Variants in ABHD12 observed in about 807,000 individuals in gnomAD.
ABHD12 encodes the protein abhydrolase domain containing 12, lysophospholipase, also known as lysophosphatidylserine lipase ABHD12.
ABHD12 carries 43 observed loss-of-function variants against 58.3 expected under a neutral mutation model. That is an observed-to-expected ratio of 0.74 (90% CI 0.58 to 0.95). ABHD12 has a LOEUF of 0.95. ABHD12 is among the 40% of genes least tolerant of loss of function. The pLI, the probability that ABHD12 is intolerant of heterozygous loss-of-function variation, is 0.00. For synonymous variants in ABHD12, 219 were observed against 211.2 expected (o/e 1.04, Z -0.32); for missense variants, 539 against 537.2 (o/e 1.00, Z -0.03).
At position 25,325,995 on chromosome 20, in the gene ABHD12, C is replaced by T. The variant is rs376235461; in HGVS notation, c.317-2565G>A. Reference sequence around the variant, plus strand: ...CTGAGGCAGGAGAATGGCTTGAACCCGGGAAGAGGAGGTTGCAGTGAGCTG... The same window carrying T: ...CTGAGGCAGGAGAATGGCTTGAACCTGGGAAGAGGAGGTTGCAGTGAGCTG... On this transcript the variant is annotated intron_variant, in intron 2 of 12. Transcript: ENST00000339157. 3.3e-5 allele frequency among the ~76,000 whole-genome samples: 5 copies of T among 149,928 alleles called. No homozygotes were observed. The South Asian group carries it at 6.3e-4, about 19-fold the overall frequency.
At chr20:25,388,780 ATTTTTT>A (rs2090128924) in intron 1 of ABHD12, among the ~76,000 whole-genome samples, 1 of 105,930 alleles carries the variant, frequency 9.4e-6, no homozygotes, top group African/African-American at 3.5e-5. Flanking sequence ...AAACAATTTG[ATTTTTT>A]CTTTTTTTTT....
intron 1 of ABHD12, among the ~76,000 whole-genome samples, chr20:25,341,716 A>G (rs1047418491): frequency 1.3e-5 from 2 of 152,178 alleles, no homozygotes; most frequent in African/African-American, 4.8e-5. Flanking sequence ...AGAAAAGAGC[A>G]GGGTCTGACA....
chr20:25,327,369 A>C (rs2145992689), intron 2 of ABHD12, among the ~76,000 whole-genome samples: 1 of 152,072 alleles, frequency 6.6e-6, no homozygotes, highest in South Asian at 2.1e-4. Context: ...CGGGAGCCTG[A>C]GGCAAGAGAA....
intron 12 of ABHD12, among the ~76,000 whole-genome samples, chr20:25,301,417 G>A (rs1366282965): frequency 6.6e-6 from 1 of 151,652 alleles, no homozygotes; most frequent in Non-Finnish European, 1.5e-5. Context: ...ACTTTTTGGA[G>A]CTGACTGGCA....
intron 5 of ABHD12, among the ~76,000 whole-genome samples, chr20:25,315,365 C>A (rs2088941213): frequency 6.6e-6 from 1 of 152,180 alleles, no homozygotes; most frequent in Non-Finnish European, 1.5e-5. Flanking sequence ...TGTGCAGAGA[C>A]CCCATCTGGG....
intron 1 of ABHD12, among the ~76,000 whole-genome samples, chr20:25,362,886 T>C (rs564775261): frequency 1.3e-5 from 2 of 152,032 alleles, no homozygotes; most frequent in South Asian, 4.2e-4. Flanking sequence ...TTGGTCAGGC[T>C]ACTCTCGAAG....
intron 1 of ABHD12, chr20:25,368,771 GA>G (rs2089859671): frequency 1.2e-6 from 1 of 861,164 alleles, no homozygotes; most frequent in Admixed American, 1.8e-5. Context: ...GACCATGGCT[GA>G]TAGTACAGGG....
chr20:25,367,755 A>G (rs2089843336), intron 1 of ABHD12, among the ~76,000 whole-genome samples: 2 of 152,234 alleles, frequency 1.3e-5, no homozygotes, highest in South Asian at 4.1e-4. Context: ...AATTCTTTCC[A>G]TTGTACAGAT....
At chr20:25,376,466 A>C (rs2089963961) in intron 1 of ABHD12, among the ~76,000 whole-genome samples, 1 of 152,188 alleles carries the variant, frequency 6.6e-6, no homozygotes, top group Non-Finnish European at 1.5e-5. Context: ...AAAACAAAAA[A>C]TCATGAGGAT....
intron 1 of ABHD12, among the ~76,000 whole-genome samples, chr20:25,383,663 A>G (rs1203996592): frequency 1.3e-5 from 2 of 152,122 alleles, no homozygotes; most frequent in Non-Finnish European, 2.9e-5. Context: ...TACTAAAAAT[A>G]TAAAAATTAA....
intron 1 of ABHD12, among the ~76,000 whole-genome samples, chr20:25,341,584 C>T (rs924695937): frequency 2.0e-5 from 3 of 152,120 alleles, no homozygotes; most frequent in African/African-American, 7.2e-5. Context: ...ATAATGGTAC[C>T]TCCTTTGTGT....
chr20:25,332,075 G>C lies in ABHD12; in HGVS notation c.316+7152C>G, dbSNP rs372314790. Among the ~76,000 whole-genome samples the C allele has an allele frequency of 4.6e-4, 70 of 152,214 alleles. No homozygotes were observed. In the East Asian group the frequency reaches 0.013, roughly 29 times the overall value. On this transcript the variant is annotated intron_variant, in intron 2 of 12. Transcript: ENST00000339157. ...TCAGGAAACCCATCTCACGTGCAGAGACACACATAGGTTCAAAATAAAAGG... is the reference window on the plus strand; with the variant it reads ...TCAGGAAACCCATCTCACGTGCAGACACACACATAGGTTCAAAATAAAAGG...
chr20:25,308,517 TAGTTG>T (rs751862028), intron 7 of ABHD12, 23 bp from the exon 8 acceptor site: 12 of 1,601,024 alleles, frequency 7.5e-6, no homozygotes, highest in African/African-American at 2.7e-5. Flanking sequence ...AAAAACAGCT[TAGTTG>T]AGTTATGATA....
chr20:25,323,381 C>T lies in ABHD12; in HGVS notation c.366G>A (p.Leu122=). ...GCAGGTAGTAGTTACACGTGTGATT[C>T]AAACCTTGATCCTGTGGTTTTTTCA... ...IDLKKPQDQG[L]NHTCNYYLQP... Residue 122 remains leucine, a synonymous_variant, in exon 3 of 13, where the codon TTG becomes TTA. Transcript: ENST00000339157. 1 of 1,614,066 alleles carries T rather than the reference C, an allele frequency of 6.2e-7. No homozygotes were observed.
rs558882766 is a variant in ABHD12 at position 25,317,087 on chromosome 20, G to A, written c.543-9C>T. On this transcript the variant is annotated splice_polypyrimidine_tract_variant and intron_variant, in intron 4 of 12. Coordinates refer to ENST00000339157, the MANE Select transcript of ABHD12 (RefSeq NM_001042472.3). ...CGCGGTGGTCGCCTCCTCTGGAGAA[G>A]AAAACAGGACATGGTGTGAGCACAT... 6.2e-7 allele frequency: 1 copy of A among 1,610,132 alleles called. No homozygotes were observed. Among genetic ancestry groups the A allele is most frequent in the South Asian group, 1.1e-5 (1 of 90,764 alleles).
At chr20:25,361,969 C>CA (rs1568760782) in intron 1 of ABHD12, among the ~76,000 whole-genome samples, 1 of 149,010 alleles carries the variant, frequency 6.7e-6, no homozygotes, top group African/African-American at 2.5e-5. Flanking sequence ...CACACACACA[C>CA]AAAAAAAGAA....
intron 2 of ABHD12, among the ~76,000 whole-genome samples, chr20:25,327,362 G>A (rs943655500): frequency 3.3e-5 from 5 of 151,976 alleles, no homozygotes; most frequent in Non-Finnish European, 5.9e-5. Flanking sequence ...AGCTACTCGG[G>A]AGCCTGAGGC....
intron 10 of ABHD12, among the ~76,000 whole-genome samples, chr20:25,306,432 C>T (rs2088743028): frequency 6.6e-6 from 1 of 152,168 alleles, no homozygotes; most frequent in Admixed American, 6.5e-5. Flanking sequence ...GGCTGGAGTG[C>T]AGTGGTGCAA....
At chr20:25,384,506 A>G (rs1472829869) in intron 1 of ABHD12, among the ~76,000 whole-genome samples, 2 of 151,870 alleles carry the variant, frequency 1.3e-5, no homozygotes, top group African/African-American at 4.8e-5. Context: ...GCACTTTGGG[A>G]GGCTTAGGCG....
Sources: allele counts gnomAD v4.1 joint callset (sites outside exome capture counted in the v4.1 genomes callset), GRCh38; gene constraint gnomAD v4.1.1; transcripts MANE v1.5; gene names NCBI Gene and HGNC (gene_info 2026-07-23, HGNC 2026-07-21).